CPNE8: variants seen among roughly 807,000 people sequenced by gnomAD.
The protein encoded by CPNE8 is copine-8.
Under a neutral mutation model 81.5 loss-of-function variants are expected in CPNE8, and 45 were observed. That is an observed-to-expected ratio of 0.55 (90% CI 0.44 to 0.71). CPNE8 has a LOEUF of 0.71. Ranked by LOEUF, CPNE8 falls within the 30% of genes least tolerant of loss-of-function variation. The pLI is 0.00. For synonymous variants in CPNE8, 252 were observed against 226.3 expected (o/e 1.11, Z -1.02); for missense variants, 594 against 672.1 (o/e 0.88, Z 1.28).
At chr12:38,733,117 C>G (rs1023823932) in intron 10 of CPNE8, among the ~76,000 whole-genome samples, 1 of 151,722 alleles carries the variant, frequency 6.6e-6, no homozygotes, top group African/African-American at 2.4e-5. Context: ...AATAGCCAAC[C>G]CAAGCTATAA....
chr12:38,722,999 C>T (rs562993518), intron 13 of CPNE8, among the ~76,000 whole-genome samples: 10 of 152,244 alleles, frequency 6.6e-5, no homozygotes, highest in South Asian at 2.1e-4. Flanking sequence ...CCTGTGCCAT[C>T]GGTCATCCGC....
At position 38,762,109 on chromosome 12, in the gene CPNE8, T is replaced by C. The variant is rs763953025; in HGVS notation, c.680+3A>G. ...AGATTTTTGAATAAACTATCCTTCT[T>C]ACCTGTCATAGTCTCCATTACATAA... On this transcript the variant is annotated splice_donor_region_variant and intron_variant, in intron 9 of 19. Coordinates refer to ENST00000331366, the MANE Select transcript of CPNE8 (RefSeq NM_153634.3). The C allele has an allele frequency of 7.2e-7, 1 of 1,389,442 alleles. No homozygotes were observed. The highest frequency in any genetic ancestry group is 1.6e-5 in the South Asian group (1 of 64,380). The allele number at this position is 1,389,442 out of a possible 1,614,324, so 86.1% of individuals were successfully genotyped here. A position where few individuals can be genotyped will look rare whatever the true frequency, so the allele number is the denominator to read the frequency against.
At chr12:38,798,651 A>C (rs1051038657) in intron 6 of CPNE8, among the ~76,000 whole-genome samples, 84 of 152,234 alleles carry the variant, frequency 5.5e-4, no homozygotes, top group Middle Eastern at 3.4e-3. Flanking sequence ...TAACGAGCAA[A>C]ATAACGAGCT....
chr12:38,667,392 C>G (rs993392618), intron 19 of CPNE8, among the ~76,000 whole-genome samples: 43 of 152,144 alleles, frequency 2.8e-4, no homozygotes, highest in African/African-American at 8.2e-4. Flanking sequence ...TGTTTAGTGA[C>G]TGGTAGAACC....
chr12:38,728,471 G>A (rs1940755697), intron 11 of CPNE8, among the ~76,000 whole-genome samples: 1 of 152,032 alleles, frequency 6.6e-6, no homozygotes, highest in Non-Finnish European at 1.5e-5. Flanking sequence ...GGGTTCGACG[G>A]AACATTTGAG....
chr12:38,885,368 T>A (rs1278007933), intron 1 of CPNE8, among the ~76,000 whole-genome samples: 1 of 152,176 alleles, frequency 6.6e-6, no homozygotes, highest in Admixed American at 6.5e-5. Context: ...GTCACTCACA[T>A]TTTAAATAAA....
chr12:38,717,754 A>G (rs1389112495), intron 13 of CPNE8, among the ~76,000 whole-genome samples: 1 of 151,498 alleles, frequency 6.6e-6, no homozygotes, highest in African/African-American at 2.4e-5. Context: ...CTCAAAAATC[A>G]CCACTAAAGA....
chr12:38,841,642 A>C (rs1183836951), intron 4 of CPNE8, among the ~76,000 whole-genome samples: 1 of 152,182 alleles, frequency 6.6e-6, no homozygotes, highest in Non-Finnish European at 1.5e-5. Flanking sequence ...TTTATTTTGA[A>C]GTATTGGTAG....
chr12:38,767,162 T>C (rs920874226), intron 8 of CPNE8, among the ~76,000 whole-genome samples: 12 of 152,064 alleles, frequency 7.9e-5, no homozygotes, highest in African/African-American at 2.7e-4. Context: ...TATTCAAAAT[T>C]TATAGAAACT....
At chr12:38,731,319 C>A (rs1388940683) in intron 10 of CPNE8, among the ~76,000 whole-genome samples, 1 of 151,918 alleles carries the variant, frequency 6.6e-6, no homozygotes, top group Admixed American at 6.6e-5. Context: ...TATTCCTTGC[C>A]ATAAAACTGA....
rs1296323731 is a variant in CPNE8, at chr12:38,654,206, T to C, written c.1507-136A>G. 15 of 1,194,482 alleles carry C rather than the reference T, an allele frequency of 1.3e-5. 1 individual carries two copies. The highest frequency in any genetic ancestry group is 1.1e-4 in the Admixed American group (3 of 28,112). 74.0% of individuals were successfully genotyped at this position (1,194,482 alleles called of 1,614,324 possible). A position where few individuals can be genotyped will look rare whatever the true frequency, so the allele number is the denominator to read the frequency against. ...GAGTAATGGAGAGATGGATAACAAT[T>C]ATTATACATTTTTAAAAATATTCAA... On this transcript the variant is annotated intron_variant, in intron 19 of 19. Transcript: ENST00000331366.
intron 16 of CPNE8, among the ~76,000 whole-genome samples, chr12:38,681,060 G>A (rs1939399607): frequency 6.6e-6 from 1 of 151,846 alleles, no homozygotes; most frequent in Admixed American, 6.6e-5. Context: ...TTTAAATCGA[G>A]TGAAGAAATT....
At chr12:38,876,474 A>C (rs990359710) in intron 1 of CPNE8, among the ~76,000 whole-genome samples, 1 of 152,144 alleles carries the variant, frequency 6.6e-6, no homozygotes. Context: ...CTGCCTCCCA[A>C]AGTGCTGGGA....
chr12:38,777,589 A>G (rs1178908968), intron 6 of CPNE8, among the ~76,000 whole-genome samples: 1 of 152,126 alleles, frequency 6.6e-6, no homozygotes, highest in African/African-American at 2.4e-5. Flanking sequence ...AGCAACTTCC[A>G]TTCCTGTAAG....
intron 18 of CPNE8, among the ~76,000 whole-genome samples, chr12:38,673,158 C>T (rs1353252768): frequency 6.6e-6 from 1 of 151,862 alleles, no homozygotes; most frequent in African/African-American, 2.4e-5. Context: ...CTCTCACATG[C>T]TCTCTCTCTC....
At chr12:38,768,057 A>G (rs1037306636) in intron 7 of CPNE8, among the ~76,000 whole-genome samples, 1 of 151,994 alleles carries the variant, frequency 6.6e-6, no homozygotes, top group African/African-American at 2.4e-5. Flanking sequence ...ATCTTCAGTT[A>G]TACAGGTACA....
intron 13 of CPNE8, among the ~76,000 whole-genome samples, chr12:38,718,450 C>T (rs1940464131): frequency 6.6e-6 from 1 of 151,884 alleles, no homozygotes; most frequent in Non-Finnish European, 1.5e-5. Flanking sequence ...TGAGCTTTTA[C>T]AGGAAACATG....
At chr12:38,744,792 A>G (rs1459027640) in intron 10 of CPNE8, among the ~76,000 whole-genome samples, 1 of 152,236 alleles carries the variant, frequency 6.6e-6, no homozygotes, top group Non-Finnish European at 1.5e-5. Flanking sequence ...AAGGATGTAA[A>G]AAAAGTACTT....
intron 5 of CPNE8, among the ~76,000 whole-genome samples, chr12:38,831,276 A>T (rs886234037): frequency 3.3e-5 from 5 of 152,210 alleles, no homozygotes; most frequent in African/African-American, 1.2e-4. Flanking sequence ...GACCAGACAC[A>T]AAAGTTGTCT....
Sources: allele counts gnomAD v4.1 joint callset (sites outside exome capture counted in the v4.1 genomes callset), GRCh38; gene constraint gnomAD v4.1.1; transcripts MANE v1.5; gene names NCBI Gene and HGNC (gene_info 2026-07-23, HGNC 2026-07-21).